Variants in GALNTL6 observed in about 807,000 individuals in gnomAD.
The protein encoded by GALNTL6 is polypeptide N-acetylgalactosaminyltransferase-like 6.
A neutral mutation model predicts 73.7 loss-of-function variants in GALNTL6; 46 were observed. That is an observed-to-expected ratio of 0.62 (90% confidence interval 0.49 to 0.80). GALNTL6 has a LOEUF of 0.80. GALNTL6 is among the 30% of genes least tolerant of loss of function. GALNTL6 has a pLI of 0.00. For synonymous variants in GALNTL6, 259 were observed against 263.7 expected, an observed-to-expected ratio of 0.98 and a Z score of 0.17; for missense variants, 604 against 755.0, an observed-to-expected ratio of 0.80 and a Z score of 2.34.
intron 5 of GALNTL6, among the ~76,000 whole-genome samples, chr4:172,674,573 C>T (rs551384181): frequency 6.6e-6 from 1 of 152,190 alleles, no homozygotes; most frequent in South Asian, 2.1e-4. Context: ...AAGTTGGTTC[C>T]ATTCTCCCCA....
At chr4:173,038,511 T>C (rs1364871926) in intron 12 of GALNTL6, among the ~76,000 whole-genome samples, 1 of 152,078 alleles carries the variant, frequency 6.6e-6, no homozygotes, top group Admixed American at 6.5e-5. Flanking sequence ...TGAAGCAAGA[T>C]GGAAAGAAAA....
intron 10 of GALNTL6, among the ~76,000 whole-genome samples, chr4:172,966,846 C>A (rs1203530921): frequency 1.3e-5 from 2 of 152,190 alleles, no homozygotes; most frequent in African/African-American, 4.8e-5. Flanking sequence ...AGCAGGCCAC[C>A]GTGGGCACTG....
rs1734538467 is a variant in GALNTL6 at position 171,816,847 on chromosome 4, GGTAA to G, written c.138+2135_138+2138del. On this transcript the variant is annotated intron_variant, in intron 2 of 12. Coordinates refer to ENST00000506823, the MANE Select transcript of GALNTL6 (RefSeq NM_001034845.3). ...TGTTGTCCTCAATAAGCAAGTTTTG[GGTAA>G]GTAAGAGTTAAGTCATTAATATTGA... is the stretch of plus-strand genomic sequence containing the variant. Among the ~76,000 whole-genome samples the G allele has an allele frequency of 1.1e-4, 16 of 151,794 alleles. No homozygotes were observed. The South Asian group carries it at 3.3e-3, about 32-fold the overall frequency.
intron 5 of GALNTL6, among the ~76,000 whole-genome samples, chr4:172,595,244 TA>T (rs1203346248): frequency 2.6e-5 from 4 of 151,988 alleles, no homozygotes; most frequent in African/African-American, 4.8e-5. Context: ...TGGGTTTGAG[TA>T]AAAAAAATAT....
At chr4:171,969,174 C>A (rs375523074) in intron 2 of GALNTL6, among the ~76,000 whole-genome samples, 10 of 152,244 alleles carry the variant, frequency 6.6e-5, no homozygotes, top group African/African-American at 2.2e-4. Context: ...GATACTTCCT[C>A]TCCTTCTTCC....
chr4:172,306,149 G>A (rs1740130003), intron 3 of GALNTL6, among the ~76,000 whole-genome samples: 1 of 152,158 alleles, frequency 6.6e-6, no homozygotes, highest in Non-Finnish European at 1.5e-5. Context: ...AGCACTTTGA[G>A]AGGCCAAGCT....
intron 3 of GALNTL6, among the ~76,000 whole-genome samples, chr4:172,296,990 G>A (rs927521151): frequency 3.9e-5 from 6 of 152,172 alleles, no homozygotes. Flanking sequence ...CAGCGTAAAA[G>A]TGTTCCTGTT....
intron 3 of GALNTL6, among the ~76,000 whole-genome samples, chr4:172,273,208 C>A (rs969992814): frequency 6.6e-6 from 1 of 152,126 alleles, no homozygotes; most frequent in African/African-American, 2.4e-5. Context: ...AAAGTCCATG[C>A]ATTTCAACAA....
chr4:172,931,640 GAGTGTAGC>G (rs762514164), intron 9 of GALNTL6, among the ~76,000 whole-genome samples: 1 of 152,114 alleles, frequency 6.6e-6, no homozygotes, highest in Non-Finnish European at 1.5e-5. Context: ...CACCCACATG[GAGTGTAGC>G]AGGATCTGTA....
At chr4:172,039,493 G>A (rs1459209809) in intron 2 of GALNTL6, among the ~76,000 whole-genome samples, 1 of 152,174 alleles carries the variant, frequency 6.6e-6, no homozygotes, top group Admixed American at 6.6e-5. Context: ...ATTAGCAGCT[G>A]TCACCATGGG....
intron 8 of GALNTL6, among the ~76,000 whole-genome samples, chr4:172,887,018 G>C (rs1745758525): frequency 6.6e-6 from 1 of 151,872 alleles, no homozygotes; most frequent in South Asian, 2.1e-4. Context: ...AGTGACTTTT[G>C]TTGTCATATT....
intron 2 of GALNTL6, among the ~76,000 whole-genome samples, chr4:172,104,233 G>A (rs1732612051): frequency 6.6e-6 from 1 of 152,164 alleles, no homozygotes; most frequent in South Asian, 2.1e-4. Context: ...GTGAGCCACC[G>A]TGCCCGGCCT....
intron 10 of GALNTL6, among the ~76,000 whole-genome samples, chr4:172,977,700 G>A (rs1750882100): frequency 6.6e-6 from 1 of 152,138 alleles, no homozygotes; most frequent in African/African-American, 2.4e-5. Context: ...AGTCTTACAT[G>A]ATGATTCATA....
At position 172,420,833 on chromosome 4, in the gene GALNTL6, C is replaced by CA. The variant is rs796213297; in HGVS notation, c.553+72152dup. Among the ~76,000 whole-genome samples the CA allele has an allele frequency of 7.6e-4, 115 of 151,264 alleles. 1 individual carries two copies. The highest frequency in any genetic ancestry group is 2.8e-3 in the African/African-American group (114 of 41,208). On this transcript the variant is annotated intron_variant, in intron 5 of 12. Coordinates refer to ENST00000506823, the MANE Select transcript of GALNTL6 (RefSeq NM_001034845.3). ...TATACATCATGGAATACGATGCAGC[C>CA]AAAAAAAAGAATGAGTTCATGTCCT...
intron 5 of GALNTL6, among the ~76,000 whole-genome samples, chr4:172,646,555 T>C (rs1740251709): frequency 6.6e-6 from 1 of 152,072 alleles, no homozygotes; most frequent in Admixed American, 6.6e-5. Flanking sequence ...CCCTTGTTTT[T>C]TATAATGGTT....
At chr4:172,471,541 T>C (rs1733051211) in intron 5 of GALNTL6, among the ~76,000 whole-genome samples, 1 of 152,148 alleles carries the variant, frequency 6.6e-6, no homozygotes, top group African/African-American at 2.4e-5. Flanking sequence ...TTAGCCAAAT[T>C]TTTTTAGCTA....
intron 5 of GALNTL6, among the ~76,000 whole-genome samples, chr4:172,797,793 C>T (rs1374558179): frequency 6.6e-6 from 1 of 152,170 alleles, no homozygotes; most frequent in Admixed American, 6.5e-5. Context: ...CCAGCCTCGA[C>T]CTCCCAAAGT....
intron 2 of GALNTL6, among the ~76,000 whole-genome samples, chr4:171,857,423 G>T (rs540930344): frequency 6.6e-6 from 1 of 152,242 alleles, no homozygotes; most frequent in South Asian, 2.1e-4. Context: ...AGATGTGGTG[G>T]TGATGGCTTT....
At position 172,622,938 on chromosome 4, in the gene GALNTL6, T is replaced by A. The variant is rs184890216; in HGVS notation, c.554-186423T>A. Among the ~76,000 whole-genome samples the A allele has an allele frequency of 1.7e-3, 259 of 152,202 alleles. 1 individual carries two copies. The highest frequency in any genetic ancestry group is 1.8e-3 in the Non-Finnish European group (124 of 67,996). ...AAAAATTAAGTCCATACCAAAAAAA[T>A]TTGTGTTTTTTAAGAGAGAAAATGT... On this transcript the variant is annotated intron_variant, in intron 5 of 12. Transcript: ENST00000506823.
Sources: allele counts gnomAD v4.1 joint callset (sites outside exome capture counted in the v4.1 genomes callset), GRCh38; gene constraint gnomAD v4.1.1; transcripts MANE v1.5; gene names NCBI Gene and HGNC (gene_info 2026-07-23, HGNC 2026-07-21).